SYNE1: variants seen among roughly 807,000 people sequenced by gnomAD.
SYNE1 encodes spectrin repeat containing nuclear envelope protein 1.
SYNE1 carries 616 observed loss-of-function variants against 1,111.0 expected under a neutral mutation model. That is an observed-to-expected ratio of 0.55 (90% CI 0.52 to 0.59). The LOEUF (loss-of-function observed/expected upper bound fraction) is 0.59, where lower values mean the gene tolerates loss of function less well. Among genes scored for constraint, SYNE1 ranks in the 20% least tolerant of loss-of-function variants. SYNE1 has a pLI of 0.00. For synonymous variants in SYNE1, 3,855 were observed against 3,825.8 expected (o/e 1.01, Z -0.28); for missense variants, 10,006 against 10,417.0 (o/e 0.96, Z 1.72).
chr6:152,406,709 A>T (rs2097907006), intron 45 of SYNE1, among the ~76,000 whole-genome samples: 1 of 151,958 alleles, frequency 6.6e-6, no homozygotes, highest in African/African-American at 2.4e-5. Flanking sequence ...CTCTACTAAA[A>T]ATACAAAAAT....
intron 91 of SYNE1, 98 bp from the exon 92 acceptor site, chr6:152,302,161 C>T: frequency 1.3e-6 from 2 of 1,545,566 alleles, no homozygotes; most frequent in South Asian, 2.2e-5. Flanking sequence ...AATGAGCGCG[C>T]AGAGCCGCGC....
At chr6:152,603,852 T>A (rs1008684134) in intron 3 of SYNE1, among the ~76,000 whole-genome samples, 1 of 131,782 alleles carries the variant, frequency 7.6e-6, no homozygotes, top group Non-Finnish European at 1.7e-5. Context: ...TATACATATA[T>A]GTATATATAG....
chr6:152,135,323 T>A, intron 141 of SYNE1, 91 bp from the exon 142 acceptor site: 1 of 1,451,568 alleles, frequency 6.9e-7, no homozygotes, highest in East Asian at 2.5e-5. Context: ...TTAGCAAACA[T>A]ACTTGGTTTT....
At chr6:152,155,133 G>A (rs1349783610) in intron 132 of SYNE1, 91 bp from the exon 133 acceptor site, 9 of 1,502,334 alleles carry the variant, frequency 6.0e-6, no homozygotes, top group Middle Eastern at 1.7e-4. Flanking sequence ...GATTAAGGGT[G>A]CCCACAGAGG....
At chr6:152,312,735 A>G (rs1359714578) in intron 87 of SYNE1, among the ~76,000 whole-genome samples, 1 of 151,632 alleles carries the variant, frequency 6.6e-6, no homozygotes, top group Non-Finnish European at 1.5e-5. Context: ...ATATCTCATC[A>G]CTTTATAACC....
chr6:152,509,240 T>C (rs1564536322), intron 8 of SYNE1, among the ~76,000 whole-genome samples: 1 of 130,330 alleles, frequency 7.7e-6, no homozygotes, highest in South Asian at 2.4e-4. Flanking sequence ...TTTTTCTTTT[T>C]TCTTTTTCTT....
chr6:152,197,580 C>T (rs890411283), intron 127 of SYNE1, among the ~76,000 whole-genome samples: 1 of 152,204 alleles, frequency 6.6e-6, no homozygotes, highest in Non-Finnish European at 1.5e-5. Context: ...CAACATTAGT[C>T]TTGTACATCT....
rs77989426 is a variant in SYNE1 at position 152,600,042 on chromosome 6, T to G, written c.67+28223A>C. ...ATTCTATAAAATGTCTCCCCTTTAG[T>G]GCCAACAAGAGCCAGCAAAGTCCAG... is the stretch of plus-strand genomic sequence containing the variant. On this transcript the variant is annotated intron_variant, in intron 3 of 145. Coordinates refer to ENST00000367255, the MANE Select transcript of SYNE1 (RefSeq NM_182961.4). 9.9e-3 allele frequency among the ~76,000 whole-genome samples: 1,515 copies of G among 152,300 alleles called. 24 individuals carry two copies. The highest frequency in any genetic ancestry group is 0.035 in the African/African-American group (1,457 of 41,548).
rs747358500 is a variant in SYNE1 at position 152,373,064 on chromosome 6, A to G, written c.9480T>C (p.Asn3160=). The change falls in exon 59 of 146, where the codon AAT becomes AAC. Residue 3160 remains asparagine (N), a synonymous_variant. Coordinates refer to ENST00000367255, the MANE Select transcript of SYNE1 (RefSeq NM_182961.4). The stretch of plus-strand genomic sequence containing the variant: ...CTAGAGCAGATTCTTTTTGGTGGAG[A>G]TTTGAATGAAAATTTTTCCAATCTT... ...AKEDWKNFHS[N]LHQKESALEN... is the part of the protein sequence containing the mutation. 3.7e-6 allele frequency: 6 copies of G among 1,613,994 alleles called. No homozygotes were observed. The highest frequency in any genetic ancestry group is 5.1e-6 in the Non-Finnish European group (6 of 1,179,988).
At position 152,381,314 on chromosome 6, in the gene SYNE1, C is replaced by T; in HGVS notation, c.8701G>A (p.Glu2901Lys). 2 of 1,614,148 alleles carry T rather than the reference C, an allele frequency of 1.2e-6. No individual in the cohort carries two copies. The highest frequency in any genetic ancestry group is 1.7e-6 in the Non-Finnish European group (2 of 1,180,044). Residue 2901 changes from glutamate to lysine, a missense_variant, in exon 56 of 146, where the codon GAG (glutamate) becomes AAG (lysine). Physicochemically the swap from Glu to Lys is moderately conservative, Grantham distance 56. Coordinates refer to ENST00000367255, the MANE Select transcript of SYNE1 (RefSeq NM_182961.4). The stretch of plus-strand genomic sequence containing the variant: ...TGTTTCACTTCGGGAGCCAGCGACT[C>T]CACTCTGCTGAGACGGCTTGCACCA... ...EIGASRLSRV[E>K]SLAPEVKQNT... is the part of the protein sequence containing the mutation.
intron 3 of SYNE1, among the ~76,000 whole-genome samples, chr6:152,566,877 C>T (rs193278310): frequency 3.9e-5 from 6 of 152,072 alleles, no homozygotes; most frequent in African/African-American, 1.4e-4. Flanking sequence ...TGATTTTAAA[C>T]ATTAACTTGT....
Position 152,358,465 on chromosome 6 carries a change from C to A in SYNE1, c.10516G>T (p.Val3506Phe), listed in dbSNP as rs1232524284. 2 of 1,614,170 alleles carry A rather than the reference C, an allele frequency of 1.2e-6. No individual in the cohort carries two copies. The highest frequency in any genetic ancestry group is 1.3e-5 in the African/African-American group (1 of 75,064). The part of the protein sequence containing the change: ...EYQRDLKAFE[V>F]WLGQEQEKLD... ...TTTTCTTGTTCTTGCCCCAACCAAA[C>A]TTCAAATGCCTTTAGGTCTCTCTGA... Residue 3506 changes from valine (V) to phenylalanine (F), a missense_variant, in exon 66 of 146, where the codon GTT (valine) becomes TTT (phenylalanine). Val to Phe is a conservative substitution (Grantham distance 50). Transcript: ENST00000367255.
intron 125 of SYNE1, 122 bp from the exon 126 acceptor site, chr6:152,206,484 G>A (rs2076532750): frequency 2.0e-6 from 2 of 1,016,572 alleles, no homozygotes; most frequent in Admixed American, 4.1e-5. Flanking sequence ...CCGTAGTGGT[G>A]CTTTGCACAT....
chr6:152,385,515 C>G (rs2097512837), intron 55 of SYNE1, among the ~76,000 whole-genome samples, 159 bp downstream of exon 55: 1 of 152,166 alleles, frequency 6.6e-6, no homozygotes, highest in Admixed American at 6.5e-5. Flanking sequence ...CTTTTGAATT[C>G]TTCTCATGAC....
At chr6:152,277,046 A>G (rs1273491924) in intron 98 of SYNE1, among the ~76,000 whole-genome samples, 4 of 151,290 alleles carry the variant, frequency 2.6e-5, no homozygotes, top group African/African-American at 9.7e-5. Flanking sequence ...GCCCACCACT[A>G]TGCCCGGCTA....
chr6:152,204,887 T>A lies in SYNE1; in HGVS notation c.23019+1281A>T, dbSNP rs186694044. 2.2e-3 allele frequency among the ~76,000 whole-genome samples: 333 copies of A among 152,110 alleles called. 1 individual carries two copies. The highest frequency in any genetic ancestry group is 3.3e-3 in the Non-Finnish European group (221 of 67,996). ...CTTGGAAACATCTCCAAAAATCACA[T>A]CACAAATTTAAAAAAATATATGATT... On this transcript the variant is annotated intron_variant, in intron 126 of 145. Coordinates refer to ENST00000367255, the MANE Select transcript of SYNE1 (RefSeq NM_182961.4).
At chr6:152,158,223 A>C (rs1022986770) in intron 131 of SYNE1, among the ~76,000 whole-genome samples, 4 of 152,222 alleles carry the variant, frequency 2.6e-5, no homozygotes, top group African/African-American at 9.6e-5. Context: ...ATTTACTCCA[A>C]GTAAGTATTC....
chr6:152,280,623 T>C (rs1363358977), intron 97 of SYNE1, among the ~76,000 whole-genome samples: 1 of 152,224 alleles, frequency 6.6e-6, no homozygotes, highest in Non-Finnish European at 1.5e-5. Flanking sequence ...TTATGGACTT[T>C]ATGTGTTACA....
intron 62 of SYNE1, among the ~76,000 whole-genome samples, chr6:152,366,579 C>T (rs1335328369): frequency 6.6e-6 from 1 of 152,180 alleles, no homozygotes; most frequent in African/African-American, 2.4e-5. Context: ...CAACTTTCAA[C>T]CCCATCCCTT....
Sources: gnomAD v4.1 joint callset for allele counts (sites outside exome capture counted in the v4.1 genomes callset) on GRCh38, gnomAD v4.1.1 for gene constraint, MANE v1.5 for transcripts, NCBI Gene and HGNC (gene_info 2026-07-23, HGNC 2026-07-21) for gene names.